UBR1: variants seen among roughly 807,000 people sequenced by gnomAD.
UBR1 encodes the protein ubiquitin protein ligase E3 component n-recognin 1.
In UBR1, 102 loss-of-function variants were observed where a neutral mutation model predicts 242.1. The ratio of observed to expected loss-of-function variants is 0.42; its 90% CI spans 0.36 to 0.50. UBR1 has a LOEUF of 0.50. Among genes scored for constraint, UBR1 ranks in the 20% least tolerant of loss-of-function variants. UBR1 has a pLI of 0.01. For synonymous variants in UBR1, 675 were observed against 684.8 expected (o/e 0.99, Z 0.22); for missense variants, 1,772 against 2,101.8 (o/e 0.84, Z 3.07).
intron 45 of UBR1, 113 bp downstream of exon 45, chr15:42,952,165 C>CT (rs2141249708): frequency 7.5e-7 from 1 of 1,335,338 alleles, no homozygotes; most frequent in South Asian, 1.2e-5. Flanking sequence ...GGTTAATACT[C>CT]TAACTTCTGA....
intron 35 of UBR1, 40 bp from the exon 36 acceptor site, chr15:42,984,982 T>G (rs751000006): frequency 2.1e-6 from 3 of 1,399,382 alleles, no homozygotes; most frequent in East Asian, 4.8e-5. Flanking sequence ...AAATCCTGAA[T>G]AGTGCTATAA....
intron 8 of UBR1, 36 bp downstream of exon 8, chr15:43,059,666 T>C: frequency 6.2e-7 from 1 of 1,613,522 alleles, no homozygotes; most frequent in Non-Finnish European, 8.5e-7. Context: ...CACATAGTAT[T>C]TTATCAGAAA....
rs530945979 is a variant in UBR1 at position 43,022,211 on chromosome 15, T to C, written c.2839+491A>G. Among the ~76,000 whole-genome samples, 10 of 152,280 alleles carry C rather than the reference T, an allele frequency of 6.6e-5. No homozygotes were observed. The South Asian group carries it at 1.7e-3, about 25-fold the overall frequency. Reference sequence around the variant, plus strand: ...CTGGAATGTGCTTTGAAAAAAACTATCTTAATCAGGTAGCATTTATTAGAA... The same window carrying C: ...CTGGAATGTGCTTTGAAAAAAACTACCTTAATCAGGTAGCATTTATTAGAA... On this transcript the variant is annotated intron_variant, in intron 26 of 46. Coordinates refer to ENST00000290650, the MANE Select transcript of UBR1 (RefSeq NM_174916.3).
chr15:42,987,519 T>C (rs912961098), intron 35 of UBR1, among the ~76,000 whole-genome samples: 1 of 151,946 alleles, frequency 6.6e-6, no homozygotes, highest in Non-Finnish European at 1.5e-5. Context: ...ATCGAGACCA[T>C]CCTGGCCAAC....
rs2033356972 is a variant in UBR1 at position 43,037,823 on chromosome 15, G to C, written c.1972C>G (p.Gln658Glu). Residue 658 changes from glutamine (Q) to glutamate (E), a missense_variant, in exon 17 of 47, where the codon CAG becomes GAG. Coordinates refer to ENST00000290650, the MANE Select transcript of UBR1 (RefSeq NM_174916.3). ...YPLRCLVLVA[Q>E]VVAEMWRRNG... ...CTTCGCCACATCTCAGCAACAACCT[G>C]GGCAACCAACACCAGACAACGTAAA... is the stretch of plus-strand genomic sequence containing the variant. 3.7e-6 allele frequency: 6 copies of C among 1,613,926 alleles called. No homozygotes were observed. Among genetic ancestry groups the C allele is most frequent in the African/African-American group, 1.3e-5 (1 of 74,892 alleles).
chr15:42,949,486 T>A (rs2031793208), intron 46 of UBR1, among the ~76,000 whole-genome samples: 1 of 151,968 alleles, frequency 6.6e-6, no homozygotes, highest in African/African-American at 2.4e-5. Context: ...TCATATTTTT[T>A]AAATTTGAAG....
chr15:43,033,170 A>G (rs1031590430), intron 19 of UBR1, among the ~76,000 whole-genome samples: 2 of 151,632 alleles, frequency 1.3e-5, no homozygotes, highest in African/African-American at 2.4e-5. Flanking sequence ...GGCATGCGCC[A>G]CTGCTCCTGG....
At chr15:43,063,074 C>T (rs2033708104) in intron 6 of UBR1, among the ~76,000 whole-genome samples, 1 of 152,166 alleles carries the variant, frequency 6.6e-6, no homozygotes, top group Non-Finnish European at 1.5e-5. Flanking sequence ...GGGTGTACAA[C>T]ATTATCTCAT....
intron 46 of UBR1, among the ~76,000 whole-genome samples, chr15:42,948,402 A>C (rs1344937079): frequency 6.6e-6 from 1 of 152,202 alleles, no homozygotes; most frequent in African/African-American, 2.4e-5. Context: ...CCCCAAAAGT[A>C]ATGGCAACAA....
chr15:42,986,159 C>T (rs1007639605), intron 35 of UBR1, among the ~76,000 whole-genome samples: 1 of 151,994 alleles, frequency 6.6e-6, no homozygotes. Flanking sequence ...TTTGCATAAA[C>T]AGTAATTCAA....
intron 37 of UBR1, among the ~76,000 whole-genome samples, chr15:42,978,516 C>T (rs2141268194): frequency 6.6e-6 from 1 of 152,152 alleles, no homozygotes; most frequent in South Asian, 2.1e-4. Flanking sequence ...GCTGTAATTC[C>T]AAAAGTGAGA....
chr15:42,995,236 G>A (rs2032619252), intron 33 of UBR1, among the ~76,000 whole-genome samples: 1 of 152,088 alleles, frequency 6.6e-6, no homozygotes, highest in South Asian at 2.1e-4. Flanking sequence ...AAATCATGAT[G>A]TAAAACCAAC....
chr15:42,996,920 T>C (rs1416122098), intron 33 of UBR1, among the ~76,000 whole-genome samples: 1 of 152,156 alleles, frequency 6.6e-6, no homozygotes, highest in African/African-American at 2.4e-5. Context: ...GAGAAGATAA[T>C]TTTTTAAATA....
At chr15:42,952,082 A>G (rs528061723) in intron 45 of UBR1, among the ~76,000 whole-genome samples, 196 bp downstream of exon 45, 2 of 152,344 alleles carry the variant, frequency 1.3e-5, no homozygotes, top group South Asian at 4.1e-4. Flanking sequence ...TTTTCCATAA[A>G]TAATGGAAAT....
At chr15:43,034,367 G>A (rs903297245) in intron 19 of UBR1, among the ~76,000 whole-genome samples, 2 of 151,396 alleles carry the variant, frequency 1.3e-5, no homozygotes, top group Non-Finnish European at 2.9e-5. Context: ...ACTAGAATGG[G>A]AGAAGAAGGT....
chr15:43,009,417 C>T (rs747315694), intron 29 of UBR1, among the ~76,000 whole-genome samples: 10 of 152,238 alleles, frequency 6.6e-5, no homozygotes, highest in Admixed American at 2.0e-4. Flanking sequence ...TGCAGGTGCC[C>T]GCTTATGCAC....
intron 33 of UBR1, among the ~76,000 whole-genome samples, chr15:42,997,572 A>C (rs569702951): frequency 6.3e-4 from 96 of 152,314 alleles, no homozygotes; most frequent in African/African-American, 2.2e-3. Context: ...ATCTCCATTA[A>C]TAGCCATACT....
At chr15:43,059,887 T>G (rs1363128285) in intron 7 of UBR1, 62 bp from the exon 8 acceptor site, 16 of 1,597,686 alleles carry the variant, frequency 1.0e-5, no homozygotes, top group Non-Finnish European at 1.3e-5. Context: ...GTTAAGGGAT[T>G]TATACTTCAA....
chr15:43,002,914 C>T (rs1455022980), intron 31 of UBR1, among the ~76,000 whole-genome samples: 1 of 152,202 alleles, frequency 6.6e-6, no homozygotes, highest in Admixed American at 6.5e-5. Context: ...TACATCAGAG[C>T]AGATATAAAT....
Sources: allele counts gnomAD v4.1 joint callset (sites outside exome capture counted in the v4.1 genomes callset), GRCh38; gene constraint gnomAD v4.1.1; transcripts MANE v1.5; gene names NCBI Gene and HGNC (gene_info 2026-07-23, HGNC 2026-07-21).